Variants in PXT1 observed in about 807,000 individuals in gnomAD.
PXT1 encodes the protein peroxisomal testis enriched protein 1, also known as peroxisomal testis-specific protein 1.
In PXT1, 11 loss-of-function variants were observed where a neutral mutation model predicts 11.0. The observed-to-expected ratio is 1.00, with a 90% CI of 0.63 to 1.66. PXT1 has a LOEUF of 1.66. Ranked by LOEUF, PXT1 falls within the 40% of genes most tolerant of loss-of-function variation. The probability of loss-of-function intolerance (pLI) is 0.00; values close to 1 mark genes in which losing one functional copy is unlikely to be tolerated. For synonymous variants in PXT1, 43 were observed against 51.4 expected (o/e 0.84, Z 0.70); for missense variants, 141 against 155.5 (o/e 0.91, Z 0.49).
At chr6:36,397,079 T>A (rs189483990) in intron 4 of PXT1, among the ~76,000 whole-genome samples, 1 of 152,202 alleles carries the variant, frequency 6.6e-6, no homozygotes, top group Admixed American at 6.5e-5. Context: ...CTCTGAGCTG[T>A]TGTAACACTC....
At chr6:36,397,669 A>G (rs536648159) in intron 4 of PXT1, among the ~76,000 whole-genome samples, 1 of 152,330 alleles carries the variant, frequency 6.6e-6, no homozygotes, top group South Asian at 2.1e-4. Flanking sequence ...ACTTCAAAGT[A>G]CACTATCAAT....
chr6:36,431,306 G>A (rs1253224902), intron 2 of PXT1, among the ~76,000 whole-genome samples: 1 of 152,168 alleles, frequency 6.6e-6, no homozygotes, highest in Admixed American at 6.5e-5. Context: ...TTTACAGCAA[G>A]CAGTGTATGT....
intron 2 of PXT1, among the ~76,000 whole-genome samples, chr6:36,427,123 C>G (rs565496576): frequency 6.6e-6 from 1 of 151,994 alleles, no homozygotes; most frequent in East Asian, 1.9e-4. Context: ...CTGCCTCACC[C>G]TCCCGAGTAG....
intron 3 of PXT1, among the ~76,000 whole-genome samples, chr6:36,420,801 C>A (rs1774512923): frequency 6.6e-6 from 1 of 152,048 alleles, no homozygotes; most frequent in Non-Finnish European, 1.5e-5. Context: ...ACTTGTAATC[C>A]CAGCACTTTG....
At chr6:36,440,722 C>A (rs1426141522) in intron 1 of PXT1, among the ~76,000 whole-genome samples, 1 of 152,064 alleles carries the variant, frequency 6.6e-6, no homozygotes, top group East Asian at 1.9e-4. Flanking sequence ...TTTCTCATAT[C>A]CCGTCTCCTT....
intron 3 of PXT1, among the ~76,000 whole-genome samples, chr6:36,412,444 G>A (rs1040452699): frequency 6.1e-4 from 92 of 151,622 alleles, no homozygotes; most frequent in Non-Finnish European, 1.9e-4. Flanking sequence ...GGCGGATCAC[G>A]AGGTCAAGAA....
Position 36,437,814 on chromosome 6 carries a change from C to A in PXT1, c.-10+953G>T, listed in dbSNP as rs1236941500. 2.2e-5 allele frequency among the ~76,000 whole-genome samples: 3 copies of A among 136,744 alleles called. 1 individual carries two copies. Among genetic ancestry groups the A allele is most frequent in the African/African-American group, 8.3e-5 (3 of 35,980 alleles). The allele number at this position is 136,744 out of a possible 152,430, so 89.7% of individuals were successfully genotyped here. On this transcript the variant is annotated intron_variant, in intron 2 of 4. Transcript: ENST00000454782. ...TACAGGCGTGAGCCACCGTGCCCAG[C>A]CACTGCTTTTTTTTTTTTTTTTTTT...
chr6:36,407,953 C>CT (rs1441272126), intron 3 of PXT1, among the ~76,000 whole-genome samples: 2 of 126,620 alleles, frequency 1.6e-5, no homozygotes, highest in Non-Finnish European at 3.4e-5. Context: ...TTTTCTTTTT[C>CT]TTTCTTTTTT....
At chr6:36,396,306 G>A (rs573977561) in intron 4 of PXT1, among the ~76,000 whole-genome samples, 1 of 152,318 alleles carries the variant, frequency 6.6e-6, no homozygotes, top group East Asian at 1.9e-4. Context: ...AGCCCCTTCT[G>A]AGTTGGGGCA....
Position 36,391,528 on chromosome 6 carries a change from G to A in PXT1, c.*242C>T, listed in dbSNP as rs1345287255. The A allele has an allele frequency of 4.1e-6, 2 of 493,640 alleles. No individual in the cohort carries two copies. The highest frequency in any genetic ancestry group is 2.0e-5 in the African/African-American group (1 of 50,976). 30.6% of individuals were successfully genotyped at this position (493,640 alleles called of 1,614,324 possible). On this transcript the variant is annotated 3_prime_UTR_variant, in exon 5 of 5. Coordinates refer to ENST00000454782, the MANE Select transcript of PXT1 (RefSeq NM_152990.4). ...TTTCTGGGCAGCAAGGCTTCCTGGG[G>A]TCCTAATTACTCCTTGGGCTTTACC... is the stretch of plus-strand genomic sequence containing the variant.
chr6:36,413,344 G>A (rs1774401613), intron 3 of PXT1, among the ~76,000 whole-genome samples: 1 of 151,986 alleles, frequency 6.6e-6, no homozygotes, highest in Non-Finnish European at 1.5e-5. Flanking sequence ...GTGAACCCAG[G>A]AGGCGGAGCT....
intron 3 of PXT1, among the ~76,000 whole-genome samples, chr6:36,421,851 TTTAGAACCCTATGCTCTA>T (rs1289113438): frequency 5.9e-5 from 9 of 152,190 alleles, no homozygotes; most frequent in African/African-American, 2.2e-4. Context: ...TTACTCTTCT[TTTAGAACCCTATGCTCTA>T]ACTAAATTGT....
chr6:36,412,516 T>C (rs1354228432), intron 3 of PXT1, among the ~76,000 whole-genome samples: 1 of 151,500 alleles, frequency 6.6e-6, no homozygotes, highest in Non-Finnish European at 1.5e-5. Flanking sequence ...AAAATTTAGC[T>C]GGGTGTGGTG....
chr6:36,399,854 C>T (rs1002903903), intron 4 of PXT1, among the ~76,000 whole-genome samples: 2 of 152,116 alleles, frequency 1.3e-5, no homozygotes, highest in Non-Finnish European at 2.9e-5. Context: ...TCTAAGAAAC[C>T]GGCCAGGGTA....
At chr6:36,427,551 A>G (rs867028432) in intron 2 of PXT1, among the ~76,000 whole-genome samples, 2 of 152,230 alleles carry the variant, frequency 1.3e-5, no homozygotes, top group South Asian at 2.1e-4. Context: ...TAAGTTTTCT[A>G]GTAGCTACAT....
intron 2 of PXT1, among the ~76,000 whole-genome samples, chr6:36,426,627 C>A (rs1391912285): frequency 6.6e-6 from 1 of 152,162 alleles, no homozygotes; most frequent in Non-Finnish European, 1.5e-5. Flanking sequence ...GCCTCAGCCT[C>A]CCAAAGTGTT....
chr6:36,436,958 T>G (rs1774773235), intron 2 of PXT1, among the ~76,000 whole-genome samples: 1 of 152,008 alleles, frequency 6.6e-6, no homozygotes, highest in South Asian at 2.1e-4. Flanking sequence ...AATTTTGGGG[T>G]GCAATTGTAC....
chr6:36,401,281 C>T (rs1001308164), intron 3 of PXT1, among the ~76,000 whole-genome samples: 26 of 152,068 alleles, frequency 1.7e-4, no homozygotes, highest in African/African-American at 4.8e-4. Flanking sequence ...AATTTAGATG[C>T]TAACTTTTCA....
chr6:36,430,950 G>A (rs1245056395), intron 2 of PXT1, among the ~76,000 whole-genome samples: 1 of 152,040 alleles, frequency 6.6e-6, no homozygotes, highest in Non-Finnish European at 1.5e-5. Context: ...GAGTGGCTGG[G>A]ATTACAGGAG....
Sources: allele counts gnomAD v4.1 joint callset (sites outside exome capture counted in the v4.1 genomes callset), GRCh38; gene constraint gnomAD v4.1.1; transcripts MANE v1.5; gene names NCBI Gene and HGNC (gene_info 2026-07-23, HGNC 2026-07-21).